Variants in TRPV1 observed in about 807,000 individuals in gnomAD.
The protein encoded by TRPV1 is OTRPC1.
Under a neutral mutation model 82.3 loss-of-function variants are expected in TRPV1, and 82 were observed. The observed-to-expected ratio is 1.00, with a 90% CI of 0.83 to 1.20. The LOEUF is 1.20. Among genes scored for constraint, TRPV1 ranks in the 50% most tolerant of loss-of-function variants. TRPV1 has a pLI of 0.00. For synonymous variants in TRPV1, 515 were observed against 467.7 expected (o/e 1.10, Z -1.30); for missense variants, 1,067 against 1,096.8 (o/e 0.97, Z 0.38).
In TRPV1 at chr17:3,589,862, G is replaced by C. The variant is rs200714200; in HGVS notation, c.989C>G (p.Thr330Ser). 1.2e-5 allele frequency: 19 copies of C among 1,613,670 alleles called. No homozygotes were observed. Among genetic ancestry groups the C allele is most frequent in the Non-Finnish European group, 1.6e-5 (19 of 1,179,806 alleles). The change falls in exon 7 of 17, where the codon ACC becomes AGC. Residue 330 changes from threonine (T) to serine (S), a missense_variant. By Grantham distance (58) the Thr-to-Ser change is moderately conservative. Coordinates refer to ENST00000572705, the MANE Select transcript of TRPV1 (RefSeq NM_080704.4). ...CAGCGGCGTCATTCCCTTCTTGTTG[G>C]TGAGCTCCTCCAGCTTCAGCGTCGG... is the stretch of plus-strand genomic sequence containing the variant. ...LHPTLKLEEL[T>S]NKKGMTPLAL...
intron 10 of TRPV1, among the ~76,000 whole-genome samples, chr17:3,582,121 C>A (rs1024241641): frequency 3.4e-4 from 43 of 127,902 alleles, no homozygotes; most frequent in African/African-American, 1.3e-3. Context: ...ACCCAGGAGG[C>A]GGAGCTTGCA....
rs373096266 is a variant in TRPV1 at position 3,566,890 on chromosome 17, C to T, written c.2445G>A (p.Leu815=). 4.9e-5 allele frequency: 79 copies of T among 1,613,886 alleles called. No individual in the cohort carries two copies. The highest frequency in any genetic ancestry group is 6.7e-5 in the Non-Finnish European group (79 of 1,179,908). ...RQSAQPEEVY[L]RQFSGSLKPE... ...GCTTCAGAGACCCTGAAAACTGTCG[C>T]AGATAAACTTCCTCGGGCTGAGCAG... is the stretch of plus-strand genomic sequence containing the variant. Residue 815 remains leucine, a synonymous_variant, in exon 17 of 17, where the codon CTG becomes CTA. Coordinates refer to ENST00000572705, the MANE Select transcript of TRPV1 (RefSeq NM_080704.4).
chr17:3,583,564 G>A (rs1597531271), intron 9 of TRPV1, 134 bp from the exon 10 acceptor site: 8 of 756,090 alleles, frequency 1.1e-5, no homozygotes, highest in Non-Finnish European at 1.5e-5. Flanking sequence ...CAAAGACAGT[G>A]TGTTATTAGG....
At chr17:3,578,429 C>T (rs1229081480) in intron 11 of TRPV1, 1 of 152,178 alleles carries the variant, frequency 6.6e-6, no homozygotes, top group African/African-American at 2.4e-5. Flanking sequence ...GGAGGCAGAT[C>T]ACTTGAGGTC....
At chr17:3,572,421 C>A (rs1400794001) in intron 14 of TRPV1, among the ~76,000 whole-genome samples, 172 bp from the exon 15 acceptor site, 2 of 152,206 alleles carry the variant, frequency 1.3e-5, no homozygotes, top group Non-Finnish European at 2.9e-5. Flanking sequence ...CGGGGGTACA[C>A]TGTATACAAG....
chr17:3,575,852 T>C lies in TRPV1; in HGVS notation c.1780+1274A>G, dbSNP rs558241762. ...TCAGACACACCCAAATTGAGAAACA[T>C]TGTCAAAACCACTGGCCTCTACTCA... is the stretch of plus-strand genomic sequence containing the variant. On this transcript the variant is annotated intron_variant, in intron 13 of 16. Coordinates refer to ENST00000572705, the MANE Select transcript of TRPV1 (RefSeq NM_080704.4). Among the ~76,000 whole-genome samples, 77 of 152,184 alleles carry C rather than the reference T, an allele frequency of 5.1e-4. 1 individual carries two copies. The South Asian group carries it at 0.011, about 21-fold the overall frequency.
chr17:3,600,270 C>T (rs984215556), intron 2 of TRPV1, among the ~76,000 whole-genome samples: 2 of 152,106 alleles, frequency 1.3e-5, no homozygotes, highest in African/African-American at 4.8e-5. Context: ...GCCTTAGCCT[C>T]CAAAGTGATT....
chr17:3,577,823 G>A, intron 11 of TRPV1, 60 bp from the exon 12 acceptor site: 4 of 1,518,394 alleles, frequency 2.6e-6, no homozygotes, highest in Middle Eastern at 3.4e-4. Flanking sequence ...GGCACCCCCA[G>A]AACAAAAGGT....
At position 3,578,385 on chromosome 17, in the gene TRPV1, C is replaced by T. The variant is rs139344424; in HGVS notation, c.1548-622G>A. Among the ~76,000 whole-genome samples, 198 of 152,228 alleles carry T rather than the reference C, an allele frequency of 1.3e-3. 4 individuals are homozygous for T. In the East Asian group the frequency reaches 0.029, roughly 22 times the overall value. On this transcript the variant is annotated intron_variant, in intron 11 of 16. Transcript: ENST00000572705. Reference sequence around the variant, plus strand: ...CATAAAAGGATATATAGTGGCCAGGCGTGATGGCTCACACCTGTCATCCCA... The same window carrying T: ...CATAAAAGGATATATAGTGGCCAGGTGTGATGGCTCACACCTGTCATCCCA...
intron 12 of TRPV1, among the ~76,000 whole-genome samples, 173 bp downstream of exon 12, chr17:3,577,425 C>A (rs1324475207): frequency 6.6e-6 from 1 of 152,110 alleles, no homozygotes; most frequent in Non-Finnish European, 1.5e-5. Context: ...GGGGACCCCC[C>A]TACACATACC....
intron 7 of TRPV1, 48 bp downstream of exon 7, chr17:3,589,759 T>G: frequency 6.4e-7 from 1 of 1,564,032 alleles, no homozygotes; most frequent in Non-Finnish European, 8.7e-7. Flanking sequence ...TCCTCTCCCA[T>G]GCCATCAGCC....
chr17:3,576,725 T>G (rs533370818), intron 13 of TRPV1, among the ~76,000 whole-genome samples: 3 of 137,538 alleles, frequency 2.2e-5, no homozygotes, highest in Non-Finnish European at 3.1e-5. Flanking sequence ...CGTGGGCGCC[T>G]GTAATCCCAG....
intron 7 of TRPV1, 83 bp from the exon 8 acceptor site, chr17:3,588,450 C>A: frequency 6.8e-7 from 1 of 1,462,402 alleles, no homozygotes; most frequent in Non-Finnish European, 9.2e-7. Context: ...CTCTGCTTCC[C>A]AGCCCAGCTG....
At chr17:3,570,757 C>T (rs943096266) in intron 16 of TRPV1, among the ~76,000 whole-genome samples, 3 of 152,126 alleles carry the variant, frequency 2.0e-5, no homozygotes, top group East Asian at 1.9e-4. Context: ...TCTGTTGCCC[C>T]GGCTGGAGTG....
intron 2 of TRPV1, among the ~76,000 whole-genome samples, chr17:3,598,039 A>G (rs1214648646): frequency 6.6e-6 from 1 of 152,206 alleles, no homozygotes; most frequent in East Asian, 1.9e-4. Context: ...CCCACAAGAG[A>G]GAAACGCACA....
chr17:3,606,092 G>T (rs948972576), intron 2 of TRPV1, among the ~76,000 whole-genome samples: 1 of 152,142 alleles, frequency 6.6e-6, no homozygotes, highest in Admixed American at 6.5e-5. Flanking sequence ...CCAAGTAGCT[G>T]AGATTACAGG....
At chr17:3,605,918 A>G (rs1424699218) in intron 2 of TRPV1, among the ~76,000 whole-genome samples, 2 of 151,944 alleles carry the variant, frequency 1.3e-5, no homozygotes, top group African/African-American at 4.8e-5. Flanking sequence ...ACAACCCCCA[A>G]ATCTCAGTGG....
At chr17:3,579,178 C>A (rs1423369027) in intron 11 of TRPV1, among the ~76,000 whole-genome samples, 3 of 151,850 alleles carry the variant, frequency 2.0e-5, no homozygotes, top group African/African-American at 7.3e-5. Context: ...AATCTAAATT[C>A]TTTTAAAAAA....
At position 3,591,321 on chromosome 17, in the gene TRPV1, G is replaced by C; in HGVS notation, c.317C>G (p.Thr106Ser). 1 of 1,598,918 alleles carries C rather than the reference G, an allele frequency of 6.3e-7. No homozygotes were observed. The highest frequency in any genetic ancestry group is 8.5e-7 in the Non-Finnish European group (1 of 1,174,254). The change falls in exon 4 of 17, where the codon ACC becomes AGC. Residue 106 changes from threonine (T) to serine (S), a missense_variant. Physicochemically the swap from Thr to Ser is moderately conservative, Grantham distance 58 (BLOSUM62 1). Coordinates refer to ENST00000572705, the MANE Select transcript of TRPV1 (RefSeq NM_080704.4). ...LLSQDSVAAS[T>S]EKTLRLYDRR... ...ATCATAGAGCCTGAGGGTCTTCTCG[G>C]TGCTGGCGGCGACAGAGTCCTGGGA... is the stretch of plus-strand genomic sequence containing the variant.
Sources: gnomAD v4.1 joint callset for allele counts (sites outside exome capture counted in the v4.1 genomes callset) on GRCh38, gnomAD v4.1.1 for gene constraint, MANE v1.5 for transcripts, NCBI Gene and HGNC (gene_info 2026-07-23, HGNC 2026-07-21) for gene names.